Variants in FAM53A observed in about 807,000 individuals in gnomAD.
FAM53A encodes family with sequence similarity 53 member A.
A neutral mutation model predicts 26.6 loss-of-function variants in FAM53A; 28 were observed. The observed-to-expected ratio is 1.05, with a 90% confidence interval of 0.78 to 1.45. FAM53A has a LOEUF of 1.45. Among genes scored for constraint, FAM53A ranks in the 40% most tolerant of loss-of-function variants. The pLI, the probability that FAM53A is intolerant of heterozygous loss-of-function variation, is 0.00. For synonymous variants in FAM53A, 290 were observed against 253.1 expected, an observed-to-expected ratio of 1.15 and a Z score of -1.38; for missense variants, 650 against 575.8, an observed-to-expected ratio of 1.13 and a Z score of -1.32.
chr4:1,649,051 T>C (rs1423104027), intron 4 of FAM53A, among the ~76,000 whole-genome samples: 1 of 151,700 alleles, frequency 6.6e-6, no homozygotes, highest in Non-Finnish European at 1.5e-5. Context: ...AGGCAGAGGT[T>C]GCACTGAGCT....
At chr4:1,595,540 G>C in the FAM53A span, among the ~76,000 whole-genome samples, 152 of 152,182 alleles carry the variant, frequency 1.0e-3, no homozygotes, top group Middle Eastern at 3.2e-3. Flanking sequence ...GTTGGTGGGA[G>C]CCCTGGGAAG....
chr4:1,638,298 C>T (rs1056057943), downstream of FAM53A, among the ~76,000 whole-genome samples: 1 of 152,148 alleles, frequency 6.6e-6, no homozygotes, highest in Non-Finnish European at 1.5e-5. Context: ...CGCACACACA[C>T]GCCACCCTGT....
the FAM53A span, among the ~76,000 whole-genome samples, chr4:1,577,216 G>T: frequency 6.6e-6 from 1 of 152,196 alleles, no homozygotes; most frequent in African/African-American, 2.4e-5. Flanking sequence ...TGCAGGAGGG[G>T]AGCACACAGG....
downstream of FAM53A, among the ~76,000 whole-genome samples, chr4:1,614,566 GC>G (rs1443903090): frequency 6.6e-6 from 1 of 152,066 alleles, no homozygotes; most frequent in African/African-American, 2.4e-5. Flanking sequence ...AAGAGGCACA[GC>G]CCCAGAGCAG....
intron 1 of FAM53A, among the ~76,000 whole-genome samples, chr4:1,677,565 A>C (rs987532117): frequency 2.0e-5 from 3 of 152,128 alleles, no homozygotes; most frequent in African/African-American, 7.2e-5. Flanking sequence ...TCTGTATCTC[A>C]GCTCCCTTAG....
At chr4:1,650,992 G>A (rs1712728485) in intron 4 of FAM53A, among the ~76,000 whole-genome samples, 3 of 151,022 alleles carry the variant, frequency 2.0e-5, no homozygotes, top group African/African-American at 7.3e-5. Context: ...GCCGAGGCGG[G>A]TGGATCACGA....
chr4:1,598,277 G>A, the FAM53A span, among the ~76,000 whole-genome samples: 3 of 152,252 alleles, frequency 2.0e-5, no homozygotes, highest in Non-Finnish European at 4.4e-5. Flanking sequence ...TCTGATCCGA[G>A]GCCTGCAGCC....
downstream of FAM53A, among the ~76,000 whole-genome samples, chr4:1,613,715 A>G (rs140168965): frequency 1.8e-3 from 278 of 152,334 alleles, 3 homozygotes; most frequent in African/African-American, 6.4e-3. Context: ...GCTCCACACC[A>G]GAAAATCACC....
At chr4:1,669,026 C>T in intron 1 of FAM53A, 121 bp from the exon 2 acceptor site, 1 of 359,004 alleles carries the variant, frequency 2.8e-6, no homozygotes, top group Admixed American at 4.7e-5. Flanking sequence ...TCACAAACAC[C>T]CTCCCATTTT....
downstream of FAM53A, among the ~76,000 whole-genome samples, chr4:1,635,456 T>A (rs1715796379): frequency 6.6e-6 from 1 of 152,166 alleles, no homozygotes; most frequent in African/African-American, 2.4e-5. Flanking sequence ...TTATTTTTAG[T>A]AGAGACGAGG....
At chr4:1,670,630 A>G (rs900531130) in intron 1 of FAM53A, among the ~76,000 whole-genome samples, 1 of 152,078 alleles carries the variant, frequency 6.6e-6, no homozygotes, top group Non-Finnish European at 1.5e-5. Flanking sequence ...GGCAGCCACC[A>G]CTGTCATCTC....
intron 1 of FAM53A, among the ~76,000 whole-genome samples, chr4:1,676,655 C>A (rs1470761095): frequency 6.6e-6 from 1 of 152,174 alleles, no homozygotes; most frequent in African/African-American, 2.4e-5. Flanking sequence ...GTACTTACTA[C>A]ACCCATGCAC....
chr4:1,649,200 A>AAG (rs1279318945), intron 4 of FAM53A, among the ~76,000 whole-genome samples: 8,845 of 95,778 alleles, frequency 0.092, 978 homozygotes, highest in African/African-American at 0.27. Context: ...GGAAGGGGAA[A>AAG]GGGAAAGGGA....
chr4:1,673,521 CAGG>C (rs748934011), intron 1 of FAM53A, among the ~76,000 whole-genome samples: 27 of 152,164 alleles, frequency 1.8e-4, no homozygotes, highest in Admixed American at 1.3e-4. Flanking sequence ...ATCAGGAGGT[CAGG>C]AGATCGAGAC....
chr4:1,629,916 G>T (rs935782460), intron 1 of FAM53A, among the ~76,000 whole-genome samples: 1 of 148,526 alleles, frequency 6.7e-6, no homozygotes, highest in African/African-American at 2.5e-5. Context: ...CTCACACCCC[G>T]GCTTAAAGCT....
the FAM53A span, among the ~76,000 whole-genome samples, chr4:1,594,721 T>C: frequency 6.6e-6 from 1 of 152,138 alleles, no homozygotes; most frequent in African/African-American, 2.4e-5. Flanking sequence ...TCCACACATG[T>C]AGTCCCAGCT....
At chr4:1,625,266 C>A (rs1486980976) in intron 1 of FAM53A, among the ~76,000 whole-genome samples, 2 of 52,494 alleles carry the variant, frequency 3.8e-5, no homozygotes, top group Non-Finnish European at 3.4e-5. Flanking sequence ...ACGTCCCGAC[C>A]CACGTGGTCA....
intron 4 of FAM53A, among the ~76,000 whole-genome samples, chr4:1,652,480 A>G (rs938245759): frequency 6.8e-6 from 1 of 146,896 alleles, no homozygotes; most frequent in African/African-American, 2.5e-5. Context: ...CACATCACAC[A>G]TACCACACAC....
intron 1 of FAM53A, among the ~76,000 whole-genome samples, chr4:1,619,632 C>T (rs935354983): frequency 3.9e-5 from 6 of 152,226 alleles, no homozygotes; most frequent in Admixed American, 2.6e-4. Context: ...TGACCACCCC[C>T]GCCCTTCATC....
Sources: gnomAD v4.1 joint callset for allele counts (sites outside exome capture counted in the v4.1 genomes callset) on GRCh38, gnomAD v4.1.1 for gene constraint, MANE v1.5 for transcripts, NCBI Gene and HGNC (gene_info 2026-07-23, HGNC 2026-07-21) for gene names.